The following CROCC variants were observed in gnomAD, a reference collection of about 807,000 sequenced individuals.
The protein encoded by CROCC is rootletin.
A neutral mutation model predicts 245.2 loss-of-function variants in CROCC; 180 were observed. The observed-to-expected ratio is 0.73, with a 90% CI of 0.65 to 0.83. The LOEUF is 0.83. Among genes scored for constraint, CROCC ranks in the 40% least tolerant of loss-of-function variants. The pLI is 0.00. For missense variants in CROCC, 2,688 were observed against 2,779.4 expected, an observed-to-expected ratio of 0.97 and a Z score of 0.74; for synonymous variants, 1,205 against 1,241.6, an observed-to-expected ratio of 0.97 and a Z score of 0.62.
chr1:16,966,597 G>A lies in CROCC; in HGVS notation c.4860+26G>A. ...GTGGGCAGGAGCTGAGGGCCAGCGG[G>A]GCGACGGGGAATCTGTGTACCCGAG... On this transcript the variant is annotated intron_variant, in intron 30 of 36. Coordinates refer to ENST00000375541, the MANE Select transcript of CROCC (RefSeq NM_014675.5). The surrounding 1 kb of genome is among the most constrained non-coding windows in gnomAD (Gnocchi z 4.8). The A allele has an allele frequency of 6.9e-7, 1 of 1,453,960 alleles. No homozygotes were observed. The highest frequency in any genetic ancestry group is 2.0e-4 in the Middle Eastern group (1 of 5,018). The allele number at this position is 1,453,960 out of a possible 1,614,324, so 90.1% of individuals were successfully genotyped here.
Position 16,955,424 on chromosome 1 carries a change from T to C in CROCC, c.3578T>C (p.Val1193Ala). ...KLRESQEGRE[V>A]QRQEAGELRR... ...CGTGAGAGCCAGGAGGGCCGGGAGG[T>C]GCAGCGCCAGGAGGCAGGCGAGCTG... The change falls in exon 24 of 37, where the codon GTG (valine) becomes GCG (alanine). Residue 1193 changes from valine (V) to alanine (A), a missense_variant. Transcript: ENST00000375541. The C allele has an allele frequency of 1.2e-6, 2 of 1,600,998 alleles. No homozygotes were observed. Among genetic ancestry groups the C allele is most frequent in the Non-Finnish European group, 1.7e-6 (2 of 1,177,182 alleles).
intron 1 of CROCC, among the ~76,000 whole-genome samples, chr1:16,915,262 G>A (rs937693594): frequency 2.6e-5 from 4 of 152,282 alleles, no homozygotes; most frequent in African/African-American, 9.6e-5. Flanking sequence ...CAGAGCCAAG[G>A]GGAATCATTT....
intron 17 of CROCC, 33 bp downstream of exon 17, chr1:16,947,024 G>A (rs2076064950): frequency 6.6e-7 from 1 of 1,522,776 alleles, no homozygotes; most frequent in South Asian, 1.2e-5. Flanking sequence ...GTGGTGTGGA[G>A]AGCATGTGGG....
At position 16,972,451 on chromosome 1, in the gene CROCC, C is replaced by T. The variant is rs1333376297; in HGVS notation, c.*5C>T. 4 of 1,610,576 alleles carry T rather than the reference C, an allele frequency of 2.5e-6. No homozygotes were observed. The highest frequency in any genetic ancestry group is 3.4e-6 in the Non-Finnish European group (4 of 1,177,668). On this transcript the variant is annotated 3_prime_UTR_variant, in exon 37 of 37. Coordinates refer to ENST00000375541, the MANE Select transcript of CROCC (RefSeq NM_014675.5). ...TCCGGCCCCCCAGAGAAATGAGCTC[C>T]TGCTGGCATCTGGAGAACACCCCTG...
chr1:16,933,092 T>C (rs975521481), intron 8 of CROCC, among the ~76,000 whole-genome samples: 6 of 152,088 alleles, frequency 3.9e-5, no homozygotes, highest in Non-Finnish European at 8.8e-5. Context: ...ATTACAGGCA[T>C]GAGCAACCAC....
At chr1:16,916,684 T>A (rs1256758394) in intron 1 of CROCC, among the ~76,000 whole-genome samples, 1 of 152,286 alleles carries the variant, frequency 6.6e-6, no homozygotes, top group African/African-American at 2.4e-5. Context: ...CAATTTTTTT[T>A]ATTTTTTTGG....
chr1:16,955,624 G>A (rs952673539), intron 24 of CROCC, 74 bp downstream of exon 24: 31 of 1,283,224 alleles, frequency 2.4e-5, no homozygotes, highest in Middle Eastern at 2.0e-4. Context: ...CACCCCCAAC[G>A]TTCTGGGGAA....
In CROCC at chr1:16,931,464, C is replaced by G. The variant is rs2075676792; in HGVS notation, c.956+67C>G. On this transcript the variant is annotated intron_variant, in intron 8 of 36. Coordinates refer to ENST00000375541, the MANE Select transcript of CROCC (RefSeq NM_014675.5). ...CCTGCTCTTTATGTCCAACTGAACT[C>G]AGTTGAATTTCAGTTCAACTCAACG... 11 of 1,432,412 alleles carry G rather than the reference C, an allele frequency of 7.7e-6. No individual in the cohort carries two copies. The South Asian group carries it at 1.3e-4, about 17-fold the overall frequency. 88.7% of individuals were successfully genotyped at this position (1,432,412 alleles called of 1,614,324 possible).
intron 19 of CROCC, among the ~76,000 whole-genome samples, chr1:16,949,161 T>G (rs2076117141): frequency 6.6e-6 from 1 of 152,290 alleles, no homozygotes; most frequent in Non-Finnish European, 1.5e-5. Flanking sequence ...TCTAAGCCTG[T>G]TGCCAGGATG....
intron 18 of CROCC, 118 bp downstream of exon 18, chr1:16,948,642 C>G (rs1253494244): frequency 8.2e-5 from 122 of 1,494,764 alleles, no homozygotes; most frequent in Non-Finnish European, 1.0e-4. Context: ...GGCTTGCCGA[C>G]TCGTCCTAGC....
intron 13 of CROCC, among the ~76,000 whole-genome samples, chr1:16,941,664 G>A (rs191725770): frequency 7.2e-5 from 11 of 152,040 alleles, no homozygotes; most frequent in African/African-American, 2.4e-4. Flanking sequence ...CCCGGGAGGC[G>A]GAGCTGGCAG....
intron 27 of CROCC, among the ~76,000 whole-genome samples, chr1:16,963,755 C>T (rs1390029215): frequency 2.6e-5 from 4 of 152,026 alleles, no homozygotes; most frequent in Non-Finnish European, 5.9e-5. Flanking sequence ...ATTCCCATCT[C>T]AGCCCTGAAA....
At position 16,954,900 on chromosome 1, in the gene CROCC, C is replaced by A; in HGVS notation, c.3465+23C>A. The A allele has an allele frequency of 6.6e-7, 1 of 1,508,928 alleles. No homozygotes were observed. The highest frequency in any genetic ancestry group is 1.3e-5 in the South Asian group (1 of 79,972). The allele number at this position is 1,508,928 out of a possible 1,614,324, so 93.5% of individuals were successfully genotyped here. On this transcript the variant is annotated intron_variant, in intron 23 of 36. Coordinates refer to ENST00000375541, the MANE Select transcript of CROCC (RefSeq NM_014675.5). This position sits in a 1 kb window ranked among gnomAD's most constrained non-coding sequence, Gnocchi z 4.4. The stretch of plus-strand genomic sequence containing the variant: ...GAGGTGAGCAGCCGCCCCCCTCTTC[C>A]AAGCAGCATACCCTAAATGGCACTG...
intron 27 of CROCC, 47 bp downstream of exon 27, chr1:16,961,177 C>A: frequency 7.8e-7 from 1 of 1,277,058 alleles, no homozygotes; most frequent in South Asian, 2.3e-5. Context: ...GGGCGGGCCG[C>A]ACTGAGGCCC....
At position 16,936,723 on chromosome 1, in the gene CROCC, T is replaced by A. The variant is rs1216337467; in HGVS notation, c.1043T>A (p.Leu348Gln). ...CTGGGACTGAGCACGGGCCTACGGCTGGCAGAGAGCCGGGCCGAGGCAGCC... is the reference window on the plus strand; with the variant it reads ...CTGGGACTGAGCACGGGCCTACGGCAGGCAGAGAGCCGGGCCGAGGCAGCC... ...AGLGLSTGLR[L>Q]AESRAEAALE... The change falls in exon 9 of 37, where the codon CTG (leucine) becomes CAG (glutamine). Residue 348 changes from leucine to glutamine, a missense_variant. Physicochemically the swap from Leu to Gln is moderately radical, Grantham distance 113 (BLOSUM62 -2). Transcript: ENST00000375541. 1 of 1,608,040 alleles carries A rather than the reference T, an allele frequency of 6.2e-7. No individual in the cohort carries two copies. Among genetic ancestry groups the A allele is most frequent in the African/African-American group, 1.3e-5 (1 of 74,870 alleles).
rs767457542 is a variant in CROCC at position 16,938,991 on chromosome 1, G to T, written c.1457G>T (p.Gly486Val). Residue 486 changes from glycine (G) to valine (V), a missense_variant, in exon 12 of 37, where the codon GGG becomes GTG. Transcript: ENST00000375541. ...TADASNGSLR[G>V]LSGQRTPSPP... Reference sequence around the variant, plus strand: ...GATGCTTCCAACGGCAGCCTGCGGGGGCTCTCGGGCCAGCGGACCCCGTCC... The same window carrying T: ...GATGCTTCCAACGGCAGCCTGCGGGTGCTCTCGGGCCAGCGGACCCCGTCC... The T allele has an allele frequency of 8.1e-6, 13 of 1,604,824 alleles. No individual in the cohort carries two copies. The South Asian group carries it at 1.0e-4, about 12-fold the overall frequency.
chr1:16,952,978 C>T, intron 20 of CROCC: 1 of 307,520 alleles, frequency 3.3e-6, no homozygotes, highest in Non-Finnish European at 6.3e-6. Flanking sequence ...TCCCGTTCCC[C>T]TCTGCACCCT....
intron 13 of CROCC, among the ~76,000 whole-genome samples, chr1:16,940,520 G>A (rs1377906881): frequency 6.6e-6 from 1 of 152,188 alleles, no homozygotes; most frequent in Non-Finnish European, 1.5e-5. Context: ...TGAAGTAGCT[G>A]GGATTATAGG....
rs535082311 is a variant in CROCC, at chr1:16,936,736, G to T, written c.1056G>T (p.Arg352=). 6.8e-6 allele frequency: 11 copies of T among 1,609,444 alleles called. No individual in the cohort carries two copies. The Admixed American group carries it at 1.8e-4, about 27-fold the overall frequency. The change falls in exon 9 of 37, where the codon CGG becomes CGT. Residue 352 remains arginine (R), a synonymous_variant. Coordinates refer to ENST00000375541, the MANE Select transcript of CROCC (RefSeq NM_014675.5). ...CGGGCCTACGGCTGGCAGAGAGCCG[G>T]GCCGAGGCAGCCCTGGAGAAACAGG... ...LSTGLRLAES[R]AEAALEKQAL...
Sources: allele counts gnomAD v4.1 joint callset (sites outside exome capture counted in the v4.1 genomes callset), GRCh38; gene constraint gnomAD v4.1.1; non-coding constraint Gnocchi (gnomAD v3.1); transcripts MANE v1.5; gene names NCBI Gene and HGNC (gene_info 2026-07-23, HGNC 2026-07-21).